Variants in NRXN2 observed in about 807,000 individuals in gnomAD.
The protein encoded by NRXN2 is neurexin-2-beta.
NRXN2 carries 29 observed loss-of-function variants against 128.8 expected under a neutral mutation model. That is an observed-to-expected ratio of 0.23 (90% CI 0.17 to 0.31). NRXN2 has a LOEUF of 0.31. Among genes scored for constraint, NRXN2 ranks in the 10% least tolerant of loss-of-function variants. The pLI is 1.00. For synonymous variants in NRXN2, 1,098 were observed against 1,075.2 expected (o/e 1.02, Z -0.41); for missense variants, 1,881 against 2,452.6 (o/e 0.77, Z 4.92).
Position 64,660,451 on chromosome 11 carries a change from G to A in NRXN2, c.2270C>T (p.Ser757Phe), listed in dbSNP as rs987460353. ...NAMHTEAEDV[S>F]LRFMSQRAYG... Reference sequence around the variant, plus strand: ...GGCCCGCTGGGACATGAAACGCAGGGACACATCCTCTGCCTCCGTGTGCAT... The same window carrying A: ...GGCCCGCTGGGACATGAAACGCAGGAACACATCCTCTGCCTCCGTGTGCAT... The change falls in exon 11 of 23, where the codon TCC becomes TTC. Residue 757 changes from serine (S) to phenylalanine (F), a missense_variant. Coordinates refer to ENST00000265459, the MANE Select transcript of NRXN2 (RefSeq NM_015080.4). This position sits in a 1 kb window ranked among gnomAD's most constrained non-coding sequence, Gnocchi z 5.2. The A allele has an allele frequency of 1.2e-6, 2 of 1,614,080 alleles. No homozygotes were observed. The highest frequency in any genetic ancestry group is 1.3e-5 in the African/African-American group (1 of 74,928).
intron 6 of NRXN2, among the ~76,000 whole-genome samples, chr11:64,684,215 A>G (rs933509373): frequency 7.2e-5 from 11 of 152,104 alleles, no homozygotes; most frequent in African/African-American, 2.7e-4. Flanking sequence ...TCCTAGAGAG[A>G]GCAAAGTGAG....
intron 7 of NRXN2, chr11:64,676,581 A>C: frequency 4.8e-6 from 1 of 208,846 alleles, no homozygotes. Context: ...CCAAGAAACT[A>C]AATCAAAGAG....
intron 4 of NRXN2, 49 bp downstream of exon 4, chr11:64,692,798 C>T: frequency 6.2e-7 from 1 of 1,611,416 alleles, no homozygotes; most frequent in East Asian, 2.2e-5. Context: ...AATCCAGGCG[C>T]AGGTTGGGGG....
intron 2 of NRXN2, among the ~76,000 whole-genome samples, chr11:64,709,079 C>T (rs1272740455): frequency 2.0e-5 from 3 of 151,508 alleles, no homozygotes; most frequent in Non-Finnish European, 4.4e-5. Flanking sequence ...GTAATCCCAG[C>T]TACTCAGGAG....
At chr11:64,614,753 C>T (rs1478595374) in intron 22 of NRXN2, among the ~76,000 whole-genome samples, 3 of 152,232 alleles carry the variant, frequency 2.0e-5, no homozygotes, top group African/African-American at 4.8e-5. Context: ...GGGTGTGTAT[C>T]GGGCTGTGGG....
At chr11:64,652,212 T>C in intron 12 of NRXN2, 58 bp from the exon 13 acceptor site, 1 of 1,561,386 alleles carries the variant, frequency 6.4e-7, no homozygotes, top group Non-Finnish European at 8.6e-7. Flanking sequence ...GGTGACTTCC[T>C]ATATCACCTT....
At chr11:64,645,104 G>T (rs926169943) in intron 17 of NRXN2, among the ~76,000 whole-genome samples, 1 of 152,220 alleles carries the variant, frequency 6.6e-6, no homozygotes, top group Non-Finnish European at 1.5e-5. Context: ...GAGACTGCAT[G>T]CCAGGAGCAG....
Position 64,607,096 on chromosome 11 carries a change from C to T in NRXN2, c.*100G>A. ...CTTCGTAAGAGAAGCCTGAGGCAGC[C>T]AGGGAGAGGGTCCCCAGGCCCCTGG... On this transcript the variant is annotated 3_prime_UTR_variant, in exon 23 of 23. Transcript: ENST00000265459. 5.3e-6 allele frequency: 7 copies of T among 1,313,354 alleles called. No homozygotes were observed. The highest frequency in any genetic ancestry group is 7.3e-6 in the Non-Finnish European group (7 of 954,636). 81.4% of individuals were successfully genotyped at this position (1,313,354 alleles called of 1,614,324 possible). A position where few individuals can be genotyped will look rare whatever the true frequency, so the allele number is the denominator to read the frequency against.
chr11:64,636,406 TG>T (rs1283546980), intron 17 of NRXN2, among the ~76,000 whole-genome samples: 4 of 28,128 alleles, frequency 1.4e-4, no homozygotes, highest in Non-Finnish European at 3.0e-4. Context: ...GGGGTGGGGG[TG>T]GGGGTGGGGG....
chr11:64,677,491 A>G (rs548857567), intron 6 of NRXN2, among the ~76,000 whole-genome samples: 1 of 152,268 alleles, frequency 6.6e-6, no homozygotes, highest in East Asian at 1.9e-4. Context: ...ATGAGACAGA[A>G]AGGTTAGTTC....
intron 17 of NRXN2, among the ~76,000 whole-genome samples, chr11:64,641,447 T>C (rs946956695): frequency 6.6e-6 from 1 of 151,720 alleles, no homozygotes; most frequent in African/African-American, 2.4e-5. Context: ...TGGAAAGTGA[T>C]GGGGCTGACA....
intron 1 of NRXN2, among the ~76,000 whole-genome samples, chr11:64,720,567 G>A (rs1422382252): frequency 6.6e-6 from 1 of 152,174 alleles, no homozygotes; most frequent in African/African-American, 2.4e-5. Flanking sequence ...GGCCAGGAGG[G>A]GTAGGAGGCC....
chr11:64,608,379 AG>A (rs1816097513), intron 22 of NRXN2, among the ~76,000 whole-genome samples: 1 of 152,290 alleles, frequency 6.6e-6, no homozygotes, highest in East Asian at 1.9e-4. Context: ...GAAAAGAAAC[AG>A]AAAAAAAAAC....
intron 8 of NRXN2, 64 bp downstream of exon 8, chr11:64,668,379 C>T: frequency 6.3e-7 from 1 of 1,598,518 alleles, no homozygotes; most frequent in East Asian, 2.2e-5. Context: ...CAGACTAAGT[C>T]ACGCTGAAGA....
rs898629007 is a variant in NRXN2 at position 64,713,710 on chromosome 11, GCCCCGGCCCCGCCCGGC to G, written c.-28_-12del. 76 of 1,066,560 alleles carry G rather than the reference GCCCCGGCCCCGCCCGGC, an allele frequency of 7.1e-5. No homozygotes were observed. Among genetic ancestry groups the G allele is most frequent in the African/African-American group, 1.4e-4 (8 of 58,858 alleles). 66.1% of individuals were successfully genotyped at this position (1,066,560 alleles called of 1,614,324 possible). A position where few individuals can be genotyped will look rare whatever the true frequency, so the allele number is the denominator to read the frequency against. Reference sequence around the variant, plus strand: ...GCTCCCGGACGCCATGCCTACGGCGGCCCCGGCCCCGCCCGGCCCCCGGCCCCCGCTCAGGCTTCAGA... The same window carrying G: ...GCTCCCGGACGCCATGCCTACGGCGGCCCCGGCCCCCGCTCAGGCTTCAGA... On this transcript the variant is annotated 5_prime_UTR_variant, in exon 2 of 23. Coordinates refer to ENST00000265459, the MANE Select transcript of NRXN2 (RefSeq NM_015080.4).
chr11:64,633,923 G>A (rs777726685), intron 18 of NRXN2, among the ~76,000 whole-genome samples: 2 of 152,002 alleles, frequency 1.3e-5, no homozygotes, highest in Non-Finnish European at 2.9e-5. Context: ...TTCCTCATCC[G>A]CTGCCACTTC....
At chr11:64,645,778 TC>T (rs2046560110) in intron 17 of NRXN2, among the ~76,000 whole-genome samples, 5 of 152,052 alleles carry the variant, frequency 3.3e-5, no homozygotes, top group Admixed American at 3.3e-4. Flanking sequence ...CCCTAGTCTC[TC>T]CCCCACCAGA....
intron 17 of NRXN2, chr11:64,643,328 C>A (rs1406834312): frequency 1.5e-6 from 1 of 654,606 alleles, no homozygotes; most frequent in Non-Finnish European, 1.7e-6. Context: ...TGCCGCCCGA[C>A]GGAGGCCGGG....
chr11:64,619,460 G>A (rs957168276), intron 22 of NRXN2, among the ~76,000 whole-genome samples: 13 of 151,674 alleles, frequency 8.6e-5, no homozygotes, highest in African/African-American at 3.2e-4. Context: ...TTCTCAAGCA[G>A]CACTCAAGGC....
Sources: gnomAD v4.1 joint callset for allele counts (sites outside exome capture counted in the v4.1 genomes callset) on GRCh38, gnomAD v4.1.1 for gene constraint, Gnocchi (gnomAD v3.1) non-coding constraint, MANE v1.5 for transcripts, NCBI Gene and HGNC (gene_info 2026-07-23, HGNC 2026-07-21) for gene names.